PBRM1: variants seen among roughly 807,000 people sequenced by gnomAD.
The protein encoded by PBRM1 is protein polybromo-1.
A neutral mutation model predicts 194.5 loss-of-function variants in PBRM1; 27 were observed. The observed-to-expected ratio is 0.14, with a 90% CI of 0.10 to 0.19. The LOEUF is 0.19. Among genes scored for constraint, PBRM1 ranks in the 10% least tolerant of loss-of-function variants. The pLI is 1.00. For synonymous variants in PBRM1, 655 were observed against 693.2 expected (o/e 0.94, Z 0.87); for missense variants, 1,466 against 2,077.2 (o/e 0.71, Z 5.72).
chr3:52,635,248 A>G (rs2095762849), intron 10 of PBRM1, among the ~76,000 whole-genome samples: 1 of 152,088 alleles, frequency 6.6e-6, no homozygotes, highest in African/African-American at 2.4e-5. Context: ...AAATTCTAAG[A>G]TAAAGGGAAT....
chr3:52,635,441 CT>C (rs1375815055), intron 10 of PBRM1, among the ~76,000 whole-genome samples: 18 of 151,970 alleles, frequency 1.2e-4, no homozygotes, highest in African/African-American at 4.1e-4. Flanking sequence ...TGGCATGCAC[CT>C]GTAATCCCAG....
chr3:52,604,470 G>A (rs1407198510), intron 16 of PBRM1, among the ~76,000 whole-genome samples: 1 of 152,206 alleles, frequency 6.6e-6, no homozygotes, highest in Non-Finnish European at 1.5e-5. Context: ...GGAGGCCGAG[G>A]CGGGAGGACT....
At chr3:52,683,817 A>C (rs553225463), upstream of PBRM1, among the ~76,000 whole-genome samples, 1 of 151,764 alleles carries the variant, frequency 6.6e-6, no homozygotes, top group Non-Finnish European at 1.5e-5. Flanking sequence ...GACTGTCTCC[A>C]AAAAAAACAA....
Position 52,668,419 on chromosome 3 carries a change from A to G in PBRM1, c.384+79T>C. On this transcript the variant is annotated intron_variant, in intron 3 of 29. Coordinates refer to ENST00000296302, the Ensembl canonical transcript of PBRM1. ...AAAAAGAAACTACTACTCACCTGCC[A>G]GGTTTATAAATATTAAGAAGCCAAT... The G allele has an allele frequency of 3.9e-6, 4 of 1,016,538 alleles. No individual in the cohort carries two copies. The African/African-American group carries it at 5.1e-5, about 13-fold the overall frequency. The allele number at this position is 1,016,538 out of a possible 1,614,324, so 63.0% of individuals were successfully genotyped here. A position where few individuals can be genotyped will look rare whatever the true frequency, so the allele number is the denominator to read the frequency against.
At chr3:52,627,473 C>T in intron 12 of PBRM1, 103 bp from the exon 14 acceptor site, 1 of 654,242 alleles carries the variant, frequency 1.5e-6, no homozygotes, top group Non-Finnish European at 2.7e-6. Flanking sequence ...CAGAAAAATA[C>T]AATCACATGC....
intron 20 of PBRM1, among the ~76,000 whole-genome samples, chr3:52,581,439 G>A (rs1309642365): frequency 6.6e-6 from 1 of 151,738 alleles, no homozygotes; most frequent in Non-Finnish European, 1.5e-5. Context: ...GAACTCATGA[G>A]GCGGAGGTTG....
chr3:52,650,900 A>T (rs1325156094), intron 6 of PBRM1, among the ~76,000 whole-genome samples: 1 of 152,142 alleles, frequency 6.6e-6, no homozygotes, highest in Non-Finnish European at 1.5e-5. Context: ...CTAATAATCA[A>T]ATTTTAAATC....
intron 13 of PBRM1, among the ~76,000 whole-genome samples, chr3:52,621,658 C>T (rs2095279830): frequency 6.6e-6 from 1 of 152,140 alleles, no homozygotes; most frequent in African/African-American, 2.4e-5. Context: ...AATCATTCTC[C>T]TTTTTAAAAT....
At chr3:52,634,576 A>G (rs759871815) in intron 11 of PBRM1, 26 bp downstream of exon 12, 2 of 1,382,358 alleles carry the variant, frequency 1.4e-6, no homozygotes, top group Admixed American at 1.7e-5. Flanking sequence ...ATAAAATTAT[A>G]CTGAATAATG....
At chr3:52,554,906 A>G in intron 26 of PBRM1, 27 bp from the exon 29 acceptor site, 1 of 1,598,688 alleles carries the variant, frequency 6.3e-7, no homozygotes, top group East Asian at 2.2e-5. Flanking sequence ...AATTTCAGAC[A>G]TGCATCATTA....
At chr3:52,547,055 T>C (rs755246306), downstream of PBRM1, 24 of 233,212 alleles carry the variant, frequency 1.0e-4, no homozygotes, top group Middle Eastern at 1.2e-3. Flanking sequence ...TCTAGTTCCA[T>C]ACTCTCTTAC....
chr3:52,671,413 G>A (rs1400811926), intron 2 of PBRM1, among the ~76,000 whole-genome samples: 2 of 152,212 alleles, frequency 1.3e-5, no homozygotes, highest in East Asian at 3.9e-4. Context: ...GCAAAAAGGA[G>A]GCAGCAGAGG....
intron 22 of PBRM1, among the ~76,000 whole-genome samples, chr3:52,565,010 C>T (rs1249866743): frequency 6.6e-6 from 1 of 151,858 alleles, no homozygotes; most frequent in South Asian, 2.1e-4. Context: ...CCGTCCTTGG[C>T]CAACATGATG....
chr3:52,627,955 G>A lies in PBRM1; in HGVS notation c.1444-585C>T, dbSNP rs565478059. 3.3e-5 allele frequency among the ~76,000 whole-genome samples: 5 copies of A among 152,254 alleles called. No individual in the cohort carries two copies. In the South Asian group the frequency reaches 1.0e-3, roughly 32 times the overall value. On this transcript the variant is annotated intron_variant, in intron 12 of 29. Transcript: ENST00000296302. ...AAGATTCTATGGGTGATCTAAAATT[G>A]CCTTTGTTGCTTCATTGTTCAGAGA... is the stretch of plus-strand genomic sequence containing the variant.
rs2577828 is a variant in PBRM1 at position 52,624,981 on chromosome 3, A to C, written c.1541+2292T>G. On this transcript the variant is annotated intron_variant, in intron 13 of 29. Coordinates refer to ENST00000296302, the Ensembl canonical transcript of PBRM1. ...ACAAACATTACATGTAAAGAGAAAC[A>C]AAACAAGCAACATTGGAGGGTCATG... 7,982 of 1,416,634 alleles carry C rather than the reference A, an allele frequency of 5.6e-3. 391 individuals carry two copies. The African/African-American group carries it at 0.1, about 18-fold the overall frequency. 87.8% of individuals were successfully genotyped at this position (1,416,634 alleles called of 1,614,324 possible). A position where few individuals can be genotyped will look rare whatever the true frequency, so the allele number is the denominator to read the frequency against.
intron 24 of PBRM1, among the ~76,000 whole-genome samples, chr3:52,562,677 G>A (rs2083947533): frequency 6.6e-6 from 1 of 151,722 alleles, no homozygotes; most frequent in Non-Finnish European, 1.5e-5. Context: ...CCGAGTAGCT[G>A]GGACTACAGG....
intron 25 of PBRM1, among the ~76,000 whole-genome samples, chr3:52,561,500 A>G (rs569592702): frequency 2.0e-5 from 3 of 152,342 alleles, no homozygotes; most frequent in Non-Finnish European, 2.9e-5. Flanking sequence ...GAAAGAAAAA[A>G]ATCATGCAAT....
At chr3:52,589,643 T>C (rs918670212) in intron 17 of PBRM1, among the ~76,000 whole-genome samples, 7 of 152,300 alleles carry the variant, frequency 4.6e-5, no homozygotes, top group Non-Finnish European at 1.0e-4. Flanking sequence ...CCTTAATGCT[T>C]CTTAATGTGT....
upstream of PBRM1, among the ~76,000 whole-genome samples, chr3:52,680,894 C>T (rs1019021294): frequency 1.3e-5 from 2 of 151,746 alleles, no homozygotes; most frequent in African/African-American, 2.4e-5. Flanking sequence ...CTCTTGACCT[C>T]GTGATCCGCC....
Sources: allele counts gnomAD v4.1 joint callset (sites outside exome capture counted in the v4.1 genomes callset), GRCh38; gene constraint gnomAD v4.1.1; transcripts MANE v1.5; gene names NCBI Gene and HGNC (gene_info 2026-07-23, HGNC 2026-07-21).